The following PHC2 variants were observed in gnomAD, a reference collection of about 807,000 sequenced individuals.
PHC2 encodes polyhomeotic-like protein 2.
A neutral mutation model predicts 87.4 loss-of-function variants in PHC2; 29 were observed. The ratio of observed to expected loss-of-function variants is 0.33; its 90% CI spans 0.25 to 0.45. The LOEUF is 0.45. Among genes scored for constraint, PHC2 ranks in the 20% least tolerant of loss-of-function variants. The pLI is 1.00. For missense variants in PHC2, 857 were observed against 1,136.7 expected (o/e 0.75, Z 3.54); for synonymous variants, 438 against 461.7 (o/e 0.95, Z 0.66).
chr1:33,365,578 G>C (rs1204234616), intron 7 of PHC2, among the ~76,000 whole-genome samples: 4 of 152,224 alleles, frequency 2.6e-5, no homozygotes, highest in Admixed American at 1.3e-4. Flanking sequence ...AGAGCCCCCA[G>C]TCTACCCTTC....
At chr1:33,426,320 G>C (rs1004440791) in intron 1 of PHC2, among the ~76,000 whole-genome samples, 1 of 151,972 alleles carries the variant, frequency 6.6e-6, no homozygotes, top group Non-Finnish European at 1.5e-5. Context: ...AAGCTGCTGG[G>C]GGGGGGTCCA....
chr1:33,367,799 T>A (rs1253053377), intron 6 of PHC2, among the ~76,000 whole-genome samples: 1 of 151,798 alleles, frequency 6.6e-6, no homozygotes, highest in Non-Finnish European at 1.5e-5. Context: ...AGGGGGAGCA[T>A]GGGGCTTCCC....
chr1:33,337,773 G>C (rs1446444621), intron 9 of PHC2, among the ~76,000 whole-genome samples: 1 of 152,116 alleles, frequency 6.6e-6, no homozygotes, highest in Non-Finnish European at 1.5e-5. Flanking sequence ...ATCATCCTAG[G>C]CCCTCTCTGC....
At chr1:33,404,326 T>C (rs958642239) in intron 1 of PHC2, among the ~76,000 whole-genome samples, 2 of 152,194 alleles carry the variant, frequency 1.3e-5, no homozygotes, top group African/African-American at 2.4e-5. Context: ...GAAAATAATT[T>C]TGGTGATGCC....
chr1:33,328,694 T>C (rs1313710658), intron 14 of PHC2, among the ~76,000 whole-genome samples, 176 bp downstream of exon 14: 1 of 152,244 alleles, frequency 6.6e-6, no homozygotes, highest in Non-Finnish European at 1.5e-5. Flanking sequence ...GTTTGCATTC[T>C]ATGCTGAATA....
chr1:33,356,648 C>T (rs1028420226), intron 7 of PHC2, among the ~76,000 whole-genome samples: 15 of 152,038 alleles, frequency 9.9e-5, no homozygotes, highest in East Asian at 3.9e-4. Context: ...GCAGAAGAAC[C>T]TTTCTTAGTA....
intron 1 of PHC2, 123 bp from the exon 2 acceptor site, chr1:33,375,716 T>A: frequency 3.4e-6 from 2 of 581,794 alleles, no homozygotes; most frequent in Non-Finnish European, 5.7e-6. Context: ...GGATCAAAAA[T>A]ATTCAAAAAA....
At chr1:33,428,829 T>C (rs1298882246) in intron 1 of PHC2, among the ~76,000 whole-genome samples, 1 of 152,180 alleles carries the variant, frequency 6.6e-6, no homozygotes, top group Non-Finnish European at 1.5e-5. Context: ...GGAAAGCCTA[T>C]GGAGGGCCTG....
chr1:33,349,705 G>C lies in PHC2; in HGVS notation c.1558+4696C>G. 1 of 993,228 alleles carries C rather than the reference G, an allele frequency of 1.0e-6. No individual in the cohort carries two copies. The highest frequency in any genetic ancestry group is 1.1e-4 in the East Asian group (1 of 8,922). The allele number at this position is 993,228 out of a possible 1,614,324, so 61.5% of individuals were successfully genotyped here. A position where few individuals can be genotyped will look rare whatever the true frequency, so the allele number is the denominator to read the frequency against. On this transcript the variant is annotated intron_variant, in intron 9 of 14. Coordinates refer to ENST00000683057, the MANE Select transcript of PHC2 (RefSeq NM_001385109.1). The surrounding 1 kb of genome is among the most constrained non-coding windows in gnomAD (Gnocchi z 4.2). ...CGGGCGGGCCGCCTCCTCTCCGCCG[G>C]GAGCCTCCGAGCCGGGGCCCGGGGC...
At chr1:33,383,707 G>A (rs945762844) in intron 1 of PHC2, among the ~76,000 whole-genome samples, 2 of 152,220 alleles carry the variant, frequency 1.3e-5, no homozygotes, top group Non-Finnish European at 2.9e-5. Flanking sequence ...GTAAGGCAGA[G>A]CAAAATATAT....
intron 9 of PHC2, among the ~76,000 whole-genome samples, chr1:33,353,805 C>G (rs1268026194): frequency 6.6e-6 from 1 of 152,186 alleles, no homozygotes; most frequent in Non-Finnish European, 1.5e-5. Context: ...GGAGGTACTG[C>G]TGTGCCTCTC....
intron 1 of PHC2, among the ~76,000 whole-genome samples, chr1:33,422,253 T>G (rs1557850081): frequency 6.9e-6 from 1 of 145,608 alleles, no homozygotes; most frequent in Non-Finnish European, 1.5e-5. Context: ...ATACCATAAT[T>G]AATGTTTCCA....
chr1:33,354,680 C>A, intron 8 of PHC2, 114 bp from the exon 9 acceptor site: 1 of 1,335,758 alleles, frequency 7.5e-7, no homozygotes, highest in African/African-American at 1.5e-5. Flanking sequence ...AAGATTCAGT[C>A]ATCCTCAAAT....
In PHC2 at chr1:33,368,964, G is replaced by A. The variant is rs974439285; in HGVS notation, c.577-342C>T. 2.0e-5 allele frequency among the ~76,000 whole-genome samples: 3 copies of A among 152,110 alleles called. No individual in the cohort carries two copies. Among genetic ancestry groups the A allele is most frequent in the African/African-American group, 4.8e-5 (2 of 41,406 alleles). On this transcript the variant is annotated intron_variant, in intron 5 of 14. Transcript: ENST00000683057. This position sits in a 1 kb window ranked among gnomAD's most constrained non-coding sequence, Gnocchi z 6.6. ...TGAGGGGCTCATCCTAGAGGAGACC[G>A]ATATCCCCAGGATACGCTGAAGCCA...
intron 9 of PHC2, chr1:33,353,168 G>A (rs1647005097): frequency 6.6e-6 from 1 of 152,168 alleles, no homozygotes; most frequent in Non-Finnish European, 1.5e-5. Context: ...TGAGAATGGA[G>A]GTCTTGATCT....
chr1:33,413,090 C>A (rs1027810171), intron 1 of PHC2, among the ~76,000 whole-genome samples: 1 of 152,178 alleles, frequency 6.6e-6, no homozygotes, highest in Admixed American at 6.5e-5. Context: ...CCTCAGCCTC[C>A]CAAGTAGCTG....
intron 9 of PHC2, chr1:33,347,522 A>G: frequency 1.0e-6 from 1 of 985,428 alleles, no homozygotes; most frequent in Non-Finnish European, 1.2e-6. Flanking sequence ...AAACACCAAC[A>G]TTCATTAAGC....
intron 1 of PHC2, among the ~76,000 whole-genome samples, chr1:33,413,888 C>A (rs940975105): frequency 1.3e-5 from 2 of 152,174 alleles, no homozygotes; most frequent in Admixed American, 1.3e-4. Flanking sequence ...GAGTACATGA[C>A]TGCAAGATGG....
rs140873720 is a variant in PHC2, at chr1:33,402,388, T to G, written c.-54-26795A>C. Among the ~76,000 whole-genome samples, 281 of 152,252 alleles carry G rather than the reference T, an allele frequency of 1.8e-3. 5 individuals carry two copies. The East Asian group carries it at 0.024, about 13-fold the overall frequency. On this transcript the variant is annotated intron_variant, in intron 1 of 14. Transcript: ENST00000683057. ...TAGAAAACAGTTTGGTATTTCACAATAGAGTTGAACATACCCATATGATAT... is the reference window on the plus strand; with the variant it reads ...TAGAAAACAGTTTGGTATTTCACAAGAGAGTTGAACATACCCATATGATAT...
Sources: gnomAD v4.1 joint callset for allele counts (sites outside exome capture counted in the v4.1 genomes callset) on GRCh38, gnomAD v4.1.1 for gene constraint, Gnocchi (gnomAD v3.1) non-coding constraint, MANE v1.5 for transcripts, NCBI Gene and HGNC (gene_info 2026-07-23, HGNC 2026-07-21) for gene names.